Variants in RASSF3 observed in about 807,000 individuals in gnomAD.
The protein encoded by RASSF3 is ras association domain-containing protein 3.
A neutral mutation model predicts 19.9 loss-of-function variants in RASSF3; 19 were observed. The observed-to-expected ratio is 0.96, with a 90% CI of 0.67 to 1.40. The LOEUF (loss-of-function observed/expected upper bound fraction) is 1.40, where lower values mean the gene tolerates loss of function less well. Among genes scored for constraint, RASSF3 ranks in the 40% most tolerant of loss-of-function variants. The probability of loss-of-function intolerance (pLI) is 0.00; values close to 1 mark genes in which losing one functional copy is unlikely to be tolerated. For missense variants in RASSF3, 306 were observed against 289.8 expected (o/e 1.06, Z -0.41); for synonymous variants, 110 against 104.2 (o/e 1.06, Z -0.34).
upstream of RASSF3, among the ~76,000 whole-genome samples, chr12:64,530,336 T>A (rs1297204556): frequency 6.6e-6 from 1 of 151,092 alleles, no homozygotes; most frequent in Non-Finnish European, 1.5e-5. Flanking sequence ...AGAGACATGG[T>A]CTCACCATGC....
At chr12:64,616,653 C>T (rs1870563357) in intron 1 of RASSF3, among the ~76,000 whole-genome samples, 1 of 152,234 alleles carries the variant, frequency 6.6e-6, no homozygotes, top group Non-Finnish European at 1.5e-5. Flanking sequence ...AGGAGCTTCT[C>T]TTCTATATGA....
chr12:64,541,701 G>C (rs1051168457), exon 2 of RASSF3: 2 of 398,502 alleles, frequency 5.0e-6, no homozygotes, highest in African/African-American at 4.1e-5. Context: ...AAAAAGAACA[G>C]TCAGGTAGGC....
At chr12:64,638,078 C>T (rs1315991467) in intron 1 of RASSF3, among the ~76,000 whole-genome samples, 2 of 152,094 alleles carry the variant, frequency 1.3e-5, no homozygotes, top group African/African-American at 4.8e-5. Flanking sequence ...GATCTGCCCA[C>T]CTCAGCTGCC....
In RASSF3 at chr12:64,610,567, C is replaced by A; in HGVS notation, c.-66C>A. 1 of 821,010 alleles carries A rather than the reference C, an allele frequency of 1.2e-6. No homozygotes were observed. The highest frequency in any genetic ancestry group is 1.7e-6 in the Non-Finnish European group (1 of 605,572). The allele number at this position is 821,010 out of a possible 1,614,324, so 50.9% of individuals were successfully genotyped here. A position where few individuals can be genotyped will look rare whatever the true frequency, so the allele number is the denominator to read the frequency against. On this transcript the variant is annotated 5_prime_UTR_variant, in exon 1 of 5. Transcript: ENST00000542104. ...CCGGGAACCTCGCGGGGCTGGCGGG[C>A]GCCGCACCCCCTCCCTGGCCGCCTG...
intron 2 of RASSF3, among the ~76,000 whole-genome samples, chr12:64,554,118 A>G (rs1869212901): frequency 6.6e-6 from 1 of 152,182 alleles, no homozygotes; most frequent in African/African-American, 2.4e-5. Context: ...ACAACAGAAC[A>G]CATTCTTCTC....
At chr12:64,684,730 C>G in intron 1 of RASSF3, 57 bp from the exon 2 acceptor site, 2 of 1,218,576 alleles carry the variant, frequency 1.6e-6, no homozygotes, top group South Asian at 2.4e-5. Context: ...TGCGCCCGGC[C>G]TATCCGCACT....
At position 64,583,757 on chromosome 12, in the gene RASSF3, A is replaced by G. The variant is rs557932053; in HGVS notation, c.294+42052A>G. The stretch of plus-strand genomic sequence containing the variant: ...CTAACAATCCTTACTGTATTCAACT[A>G]AAAGAAACCAAGGATCTTGGTGGTG... On this transcript the variant is annotated intron_variant, in intron 2 of 5. Coordinates refer to the RASSF3 transcript ENST00000637125. Among the ~76,000 whole-genome samples the G allele has an allele frequency of 1.6e-4, 25 of 152,318 alleles. No individual in the cohort carries two copies. The Middle Eastern group carries it at 0.01, about 62-fold the overall frequency.
intron 1 of RASSF3, among the ~76,000 whole-genome samples, chr12:64,669,859 A>G (rs1872640940): frequency 6.6e-6 from 1 of 150,410 alleles, no homozygotes. Context: ...ACTTCTATGC[A>G]ACAAAGAAAA....
chr12:64,656,446 C>A (rs1311675433), intron 1 of RASSF3, among the ~76,000 whole-genome samples: 2 of 152,104 alleles, frequency 1.3e-5, no homozygotes, highest in Non-Finnish European at 2.9e-5. Flanking sequence ...TGAGTTATAT[C>A]TCAGTGATGC....
chr12:64,633,876 C>T (rs1345074389), intron 1 of RASSF3, among the ~76,000 whole-genome samples: 1 of 152,080 alleles, frequency 6.6e-6, no homozygotes, highest in East Asian at 1.9e-4. Flanking sequence ...TGGCTCACGC[C>T]TATAGTCAGC....
At chr12:64,657,231 C>T (rs1440522445) in intron 1 of RASSF3, among the ~76,000 whole-genome samples, 1 of 151,970 alleles carries the variant, frequency 6.6e-6, no homozygotes, top group Admixed American at 6.6e-5. Flanking sequence ...AGGATGGTCT[C>T]GAACTCCTGA....
chr12:64,522,907 C>T (rs1004247732), intron 1 of RASSF3, among the ~76,000 whole-genome samples: 17 of 152,234 alleles, frequency 1.1e-4, no homozygotes, highest in Admixed American at 5.2e-4. Flanking sequence ...CCCACTCCTC[C>T]GGGCTGCTGG....
chr12:64,669,622 C>T lies in RASSF3; in HGVS notation c.112-15165C>T, dbSNP rs914564954. ...GCTTCACATCAGCCTTGTACTTTAG[C>T]ACGTTTCCAGTCCAGCCTTGGTAGC... On this transcript the variant is annotated intron_variant, in intron 1 of 4. Coordinates refer to ENST00000542104, the MANE Select transcript of RASSF3 (RefSeq NM_178169.4). 2.6e-5 allele frequency among the ~76,000 whole-genome samples: 4 copies of T among 152,084 alleles called. No homozygotes were observed. In the South Asian group the frequency reaches 6.2e-4, roughly 24 times the overall value.
chr12:64,653,133 A>G (rs1872023447), intron 1 of RASSF3, among the ~76,000 whole-genome samples: 1 of 152,144 alleles, frequency 6.6e-6, no homozygotes, highest in African/African-American at 2.4e-5. Context: ...CAGTGGTGTG[A>G]TCATGAATCG....
chr12:64,623,425 C>T (rs1870865251), intron 1 of RASSF3, among the ~76,000 whole-genome samples: 1 of 152,192 alleles, frequency 6.6e-6, no homozygotes, highest in African/African-American at 2.4e-5. Flanking sequence ...ATGCAGGTTT[C>T]ATGACATGCC....
chr12:64,507,144 T>TA (rs1868296988), exon 1 of RASSF3: 1 of 398,624 alleles, frequency 2.5e-6, no homozygotes, highest in Non-Finnish European at 4.4e-6. Context: ...ATGTGGGTGT[T>TA]ACTGTGCTCC....
At chr12:64,614,144 T>C (rs1225369626) in intron 1 of RASSF3, among the ~76,000 whole-genome samples, 2 of 151,356 alleles carry the variant, frequency 1.3e-5, no homozygotes, top group East Asian at 3.9e-4. Context: ...TTTTTTTTTT[T>C]TTTTTTGAGA....
chr12:64,517,491 T>G (rs1296981076), intron 1 of RASSF3, among the ~76,000 whole-genome samples: 1 of 151,972 alleles, frequency 6.6e-6, no homozygotes, highest in African/African-American at 2.4e-5. Flanking sequence ...AAGAATGAAA[T>G]AGACCTGGAG....
chr12:64,615,608 G>A (rs560555288), intron 1 of RASSF3, among the ~76,000 whole-genome samples: 2 of 152,028 alleles, frequency 1.3e-5, no homozygotes, highest in East Asian at 3.9e-4. Flanking sequence ...TAGAAGTTTA[G>A]AGCTAGATCA....
Sources: allele counts gnomAD v4.1 joint callset (sites outside exome capture counted in the v4.1 genomes callset), GRCh38; gene constraint gnomAD v4.1.1; transcripts MANE v1.5; gene names NCBI Gene and HGNC (gene_info 2026-07-23, HGNC 2026-07-21).